FGF13: variants seen among roughly 807,000 people sequenced by gnomAD.
FGF13 encodes the protein fibroblast growth factor 13, also known as fibroblast growth factor homologous factor 2.
A neutral mutation model predicts 19.5 loss-of-function variants in FGF13; 2 were observed. The observed-to-expected ratio is 0.10, with a 90% CI of 0.04 to 0.32. The LOEUF (loss-of-function observed/expected upper bound fraction) is 0.32. FGF13 is among the 10% of genes least tolerant of loss of function. The probability of loss-of-function intolerance (pLI) is 1.00; values close to 1 mark genes in which losing one functional copy is unlikely to be tolerated. For synonymous variants in FGF13, 72 were observed against 76.9 expected, an observed-to-expected ratio of 0.94 and a Z score of 0.33; for missense variants, 113 against 192.7, an observed-to-expected ratio of 0.59 and a Z score of 2.45.
At chrX:138,938,216 C>T (rs2091741408) in intron 1 of FGF13, among the ~76,000 whole-genome samples, 1 of 111,509 alleles carries the variant, frequency 9.0e-6, no homozygotes, top group South Asian at 3.8e-4. Context: ...TGCTAGGAGA[C>T]CAAACGGATG....
chrX:138,769,174 G>T (rs1448865368), intron 3 of FGF13, among the ~76,000 whole-genome samples: 1 of 111,712 alleles, frequency 9.0e-6, no homozygotes, highest in East Asian at 2.8e-4. Context: ...AGTCATTGAG[G>T]TTAGGATTGT....
chrX:138,912,158 A>G (rs771028492), intron 1 of FGF13, among the ~76,000 whole-genome samples: 1 of 112,079 alleles, frequency 8.9e-6, no homozygotes, highest in South Asian at 3.7e-4. Flanking sequence ...TGACAAGCAG[A>G]GATTGATTAA....
In FGF13 at chrX:139,071,274, T is replaced by C. The variant is rs141734500; in HGVS notation, c.-113+132142A>G. On this transcript the variant is annotated intron_variant, in intron 1 of 2. Coordinates refer to the FGF13 transcript ENST00000421460. ...TTGTCTCTACTTCTCTGTCTACCAT[T>C]TTATTGACAATTTTCATTTTTTCGT... Among the ~76,000 whole-genome samples, 834 of 112,028 alleles carry C rather than the reference T, an allele frequency of 7.4e-3. 11 individuals are homozygous for C. The highest frequency in any genetic ancestry group is 0.026 in the African/African-American group (801 of 30,835).
intron 1 of FGF13, among the ~76,000 whole-genome samples, chrX:139,063,537 AC>A (rs928277631): frequency 1.8e-5 from 2 of 111,229 alleles, no homozygotes; most frequent in Non-Finnish European, 3.8e-5. Flanking sequence ...TTGCTAGATA[AC>A]CTTTATCAGG....
rs1294193264 is a variant in FGF13, at chrX:139,091,404, A to G, written c.-113+112012T>C. On this transcript the variant is annotated intron_variant, in intron 1 of 2. Transcript: ENST00000421460. ...AGCAATGCAGTTTATCATCTCCCAC[A>G]GGATCTCAAAGTATTTGCAAGCTTT... is the stretch of plus-strand genomic sequence containing the variant. Among the ~76,000 whole-genome samples, 5 of 111,747 alleles carry G rather than the reference A, an allele frequency of 4.5e-5. No homozygotes were observed. In the East Asian group the frequency reaches 1.4e-3, roughly 32 times the overall value.
At chrX:138,984,598 A>AG (rs2091983516) in intron 1 of FGF13, among the ~76,000 whole-genome samples, 3 of 39,075 alleles carry the variant, frequency 7.7e-5, no homozygotes, top group African/African-American at 2.5e-4. Flanking sequence ...AAGGAGGAGG[A>AG]GGAGGAGGAG....
intron 3 of FGF13, among the ~76,000 whole-genome samples, chrX:138,788,326 G>A (rs747005103): frequency 8.9e-6 from 1 of 112,097 alleles, no homozygotes; most frequent in Non-Finnish European, 1.9e-5. Context: ...TTGGCTTAAT[G>A]CTCTGCCCTC....
At chrX:138,665,664 A>T (rs1363580529) in intron 3 of FGF13, among the ~76,000 whole-genome samples, 3 of 111,380 alleles carry the variant, frequency 2.7e-5, no homozygotes, top group South Asian at 7.6e-4. Context: ...GCAGTAGATT[A>T]TATTTCAGTA....
chrX:138,897,936 T>G (rs1041709732), intron 1 of FGF13, among the ~76,000 whole-genome samples: 17 of 111,385 alleles, frequency 1.5e-4, no homozygotes, highest in Admixed American at 3.8e-4. Context: ...TTCATAGGAC[T>G]CTCACAAACA....
At chrX:138,898,677 T>A (rs2091516277) in intron 1 of FGF13, among the ~76,000 whole-genome samples, 1 of 111,327 alleles carries the variant, frequency 9.0e-6, no homozygotes, top group Admixed American at 9.6e-5. Context: ...ATGCCCCAAG[T>A]TTGTTGGGAA....
At chrX:138,973,965 C>A (rs763981402) in intron 1 of FGF13, among the ~76,000 whole-genome samples, 13 of 111,494 alleles carry the variant, frequency 1.2e-4, no homozygotes, top group South Asian at 3.8e-4. Context: ...GGTGGAGCCC[C>A]CATGATATGA....
intron 1 of FGF13, among the ~76,000 whole-genome samples, chrX:139,161,813 GA>G (rs1174883974): frequency 9.0e-6 from 1 of 111,638 alleles, no homozygotes; most frequent in African/African-American, 3.3e-5. Context: ...TTGCTACAAA[GA>G]GAATAAAATA....
At chrX:138,645,046 G>C (rs2089291414) in intron 3 of FGF13, among the ~76,000 whole-genome samples, 1 of 111,951 alleles carries the variant, frequency 8.9e-6, no homozygotes, top group African/African-American at 3.3e-5. Flanking sequence ...CTGAATGGAG[G>C]GAGCCAATTT....
intron 3 of FGF13, among the ~76,000 whole-genome samples, chrX:138,745,952 T>C (rs1348908525): frequency 1.8e-5 from 2 of 111,837 alleles, no homozygotes; most frequent in African/African-American, 6.5e-5. Context: ...CAGCAGGTGA[T>C]AGTTGAACTG....
At chrX:138,794,676 GA>G (rs1206942739) in intron 3 of FGF13, among the ~76,000 whole-genome samples, 1 of 111,449 alleles carries the variant, frequency 9.0e-6, no homozygotes. Context: ...CAAAGGTAAG[GA>G]AACTGACCTA....
intron 1 of FGF13, among the ~76,000 whole-genome samples, chrX:139,091,779 A>G (rs1249428016): frequency 9.0e-6 from 1 of 111,381 alleles, no homozygotes; most frequent in Non-Finnish European, 1.9e-5. Context: ...GGGTGTGTTC[A>G]GCAAGAGGTA....
intron 3 of FGF13, among the ~76,000 whole-genome samples, chrX:138,827,764 G>C (rs2091043721): frequency 9.0e-6 from 1 of 111,651 alleles, no homozygotes; most frequent in Non-Finnish European, 1.9e-5. Context: ...GAATCACTCA[G>C]AGCTAAATCA....
At chrX:138,668,962 G>A (rs966766686) in intron 3 of FGF13, among the ~76,000 whole-genome samples, 26 of 111,196 alleles carry the variant, frequency 2.3e-4, no homozygotes, top group African/African-American at 8.2e-4. Context: ...GCAGAAGATA[G>A]AATGCGGAGG....
chrX:138,683,585 A>T (rs2089750909), intron 3 of FGF13, among the ~76,000 whole-genome samples: 2 of 111,743 alleles, frequency 1.8e-5, no homozygotes, highest in African/African-American at 6.5e-5. Context: ...CAATTAAATG[A>T]TTTAACAACT....
Sources: gnomAD v4.1 joint callset for allele counts (sites outside exome capture counted in the v4.1 genomes callset) on GRCh38, gnomAD v4.1.1 for gene constraint, MANE v1.5 for transcripts, NCBI Gene and HGNC (gene_info 2026-07-23, HGNC 2026-07-21) for gene names.